FOXN3: variants seen among roughly 807,000 people sequenced by gnomAD.
FOXN3 encodes the protein forkhead box protein N3.
FOXN3 carries 7 observed loss-of-function variants against 38.4 expected under a neutral mutation model. The observed-to-expected ratio is 0.18, with a 90% CI of 0.10 to 0.34. The LOEUF (loss-of-function observed/expected upper bound fraction) is 0.34. Among genes scored for constraint, FOXN3 ranks in the 10% least tolerant of loss-of-function variants. FOXN3 has a pLI of 1.00. For synonymous variants in FOXN3, 230 were observed against 242.2 expected (o/e 0.95, Z 0.47); for missense variants, 456 against 613.4 (o/e 0.74, Z 2.71).
At chr14:89,529,448 CT>C (rs1894508918) in intron 1 of FOXN3, among the ~76,000 whole-genome samples, 1 of 152,166 alleles carries the variant, frequency 6.6e-6, no homozygotes, top group Non-Finnish European at 1.5e-5. Flanking sequence ...GATGCTTTTA[CT>C]GTCTTCCTAT....
intron 1 of FOXN3, among the ~76,000 whole-genome samples, chr14:89,505,645 C>G (rs1030129276): frequency 5.9e-4 from 90 of 152,202 alleles, no homozygotes; most frequent in African/African-American, 1.9e-3. Context: ...CTCCCAGCTG[C>G]CTGCCTTGGC....
At chr14:89,473,351 A>G in intron 1 of FOXN3, among the ~76,000 whole-genome samples, 1 of 147,460 alleles carries the variant, frequency 6.8e-6, no homozygotes, top group East Asian at 2.0e-4. Context: ...ATAAATTCCA[A>G]TTTCTGATAT....
chr14:89,198,272 T>C (rs1392235677), intron 4 of FOXN3, among the ~76,000 whole-genome samples: 1 of 152,238 alleles, frequency 6.6e-6, no homozygotes, highest in East Asian at 1.9e-4. Flanking sequence ...TGACGTATTA[T>C]AAGTAACCTA....
At chr14:89,555,882 G>GGGGT (rs1895112387) in intron 1 of FOXN3, among the ~76,000 whole-genome samples, 1 of 104,596 alleles carries the variant, frequency 9.6e-6, no homozygotes, top group Non-Finnish European at 2.0e-5. Flanking sequence ...TGTGTATGTG[G>GGGGT]GGGTGTATGT....
chr14:89,585,229 A>G (rs2139917008), intron 1 of FOXN3, among the ~76,000 whole-genome samples: 1 of 152,168 alleles, frequency 6.6e-6, no homozygotes, highest in South Asian at 2.1e-4. Flanking sequence ...ATTTTTGCCA[A>G]TTCGAATTCT....
intron 3 of FOXN3, among the ~76,000 whole-genome samples, chr14:89,296,980 C>G (rs1208393500): frequency 1.3e-5 from 2 of 152,160 alleles, no homozygotes; most frequent in Non-Finnish European, 2.9e-5. Flanking sequence ...GGAGAAACAG[C>G]TTCAGAATTT....
intron 1 of FOXN3, among the ~76,000 whole-genome samples, chr14:89,478,008 C>G (rs566158901): frequency 6.6e-6 from 1 of 152,294 alleles, no homozygotes; most frequent in East Asian, 1.9e-4. Context: ...CCACCCAAAT[C>G]TCATGTTGAA....
rs182053581 is a variant in FOXN3 at position 89,483,489 on chromosome 14, A to G, written c.-14-70999T>C. Among the ~76,000 whole-genome samples the G allele has an allele frequency of 1.0e-3, 159 of 151,846 alleles. 2 individuals are homozygous for G. In the East Asian group the frequency reaches 0.029, roughly 28 times the overall value. On this transcript the variant is annotated intron_variant, in intron 1 of 6. Coordinates refer to the FOXN3 transcript ENST00000345097. ...AATAGCGCGATCTCGGCTCACTGCA[A>G]CCTCTGCCTCCCGGGTTCAAGTGAT... is the stretch of plus-strand genomic sequence containing the variant.
chr14:89,522,408 T>G (rs921808163), intron 1 of FOXN3, among the ~76,000 whole-genome samples: 1 of 152,210 alleles, frequency 6.6e-6, no homozygotes, highest in East Asian at 1.9e-4. Context: ...CAGATGGAAC[T>G]CTGCGTGTAC....
chr14:89,357,332 C>T (rs987997182), intron 2 of FOXN3, among the ~76,000 whole-genome samples: 4 of 152,114 alleles, frequency 2.6e-5, no homozygotes, highest in Admixed American at 2.0e-4. Context: ...TAGAGCAGGG[C>T]GTGGTGGCTC....
chr14:89,395,643 T>A (rs1251559949), intron 2 of FOXN3, among the ~76,000 whole-genome samples: 1 of 152,144 alleles, frequency 6.6e-6, no homozygotes. Context: ...ATGCCTAGCA[T>A]AAGCCTGTTT....
intron 4 of FOXN3, among the ~76,000 whole-genome samples, chr14:89,208,546 CAG>C (rs1344948097): frequency 6.6e-6 from 1 of 152,150 alleles, no homozygotes; most frequent in Non-Finnish European, 1.5e-5. Flanking sequence ...AAGATTGCTA[CAG>C]AGACTCTTTC....
chr14:89,473,294 A>C (rs1443757411), intron 1 of FOXN3, among the ~76,000 whole-genome samples: 1 of 151,636 alleles, frequency 6.6e-6, no homozygotes, highest in East Asian at 1.9e-4. Flanking sequence ...AAAGTGCTGG[A>C]ATTACAGGCG....
At chr14:89,349,587 T>A (rs1888888119) in intron 3 of FOXN3, 1 of 152,660 alleles carries the variant, frequency 6.6e-6, no homozygotes, top group South Asian at 2.1e-4. Flanking sequence ...ATGGGTACCA[T>A]CACGCTAATC....
At chr14:89,302,094 G>C (rs115667845) in intron 3 of FOXN3, among the ~76,000 whole-genome samples, 9,338 of 152,190 alleles carry the variant, frequency 0.061, 415 homozygotes, top group Non-Finnish European at 0.081. Context: ...CAAGTGCGTT[G>C]GTTTTCTTCC....
intron 4 of FOXN3, among the ~76,000 whole-genome samples, chr14:89,225,387 G>A (rs771785707): frequency 2.0e-5 from 3 of 151,976 alleles, no homozygotes; most frequent in South Asian, 2.1e-4. Flanking sequence ...GGCGGATCAC[G>A]AGGTCAGGAG....
At chr14:89,457,888 C>A (rs990632528) in intron 1 of FOXN3, among the ~76,000 whole-genome samples, 1 of 152,090 alleles carries the variant, frequency 6.6e-6, no homozygotes, top group Non-Finnish European at 1.5e-5. Flanking sequence ...GTGGCACATG[C>A]CTGTAATCCC....
chr14:89,187,767 G>C (rs1158806431), intron 4 of FOXN3, among the ~76,000 whole-genome samples: 1 of 152,164 alleles, frequency 6.6e-6, no homozygotes, highest in Non-Finnish European at 1.5e-5. Flanking sequence ...TTATGGGGAG[G>C]ATGGGCCAGC....
At chr14:89,446,671 T>C (rs1159221665) in intron 1 of FOXN3, among the ~76,000 whole-genome samples, 3 of 152,256 alleles carry the variant, frequency 2.0e-5, no homozygotes, top group Non-Finnish European at 4.4e-5. Flanking sequence ...GTGAGCTCCA[T>C]GTGGGCTGAG....
Sources: allele counts gnomAD v4.1 joint callset (sites outside exome capture counted in the v4.1 genomes callset), GRCh38; gene constraint gnomAD v4.1.1; transcripts MANE v1.5; gene names NCBI Gene and HGNC (gene_info 2026-07-23, HGNC 2026-07-21).